The following SEC63 variants were observed in gnomAD, a reference collection of about 807,000 sequenced individuals.
The protein encoded by SEC63 is translocation protein SEC63 homolog.
A neutral mutation model predicts 116.2 loss-of-function variants in SEC63; 56 were observed. The ratio of observed to expected loss-of-function variants is 0.48; its 90% CI spans 0.39 to 0.60. The LOEUF (loss-of-function observed/expected upper bound fraction) is 0.60, where lower values mean the gene tolerates loss of function less well. Ranked by LOEUF, SEC63 falls within the 20% of genes least tolerant of loss-of-function variation. The probability of loss-of-function intolerance (pLI) is 0.00; values close to 1 mark genes in which losing one functional copy is unlikely to be tolerated. For synonymous variants in SEC63, 273 were observed against 294.6 expected, an observed-to-expected ratio of 0.93 and a Z score of 0.75; for missense variants, 668 against 900.0, an observed-to-expected ratio of 0.74 and a Z score of 3.30.
intron 13 of SEC63, among the ~76,000 whole-genome samples, chr6:107,899,500 G>A (rs1786947314): frequency 6.6e-6 from 1 of 152,116 alleles, no homozygotes; most frequent in Admixed American, 6.5e-5. Flanking sequence ...TGAATCACCT[G>A]AGGCTGGGAG....
intron 14 of SEC63, among the ~76,000 whole-genome samples, chr6:107,894,434 G>A (rs1350629844): frequency 5.3e-5 from 8 of 152,032 alleles, no homozygotes; most frequent in Non-Finnish European, 1.5e-5. Context: ...AGCACCCTGG[G>A]AGGCCAAGGC....
At chr6:107,943,101 G>A (rs1770411719) in intron 1 of SEC63, among the ~76,000 whole-genome samples, 1 of 152,216 alleles carries the variant, frequency 6.6e-6, no homozygotes, top group Non-Finnish European at 1.5e-5. Context: ...ATTTACTGAA[G>A]AGACAAACTG....
At chr6:107,915,993 C>G (rs909697489) in intron 4 of SEC63, among the ~76,000 whole-genome samples, 1 of 152,074 alleles carries the variant, frequency 6.6e-6, no homozygotes, top group African/African-American at 2.4e-5. Flanking sequence ...TGAGTTAAAA[C>G]TAAACACCTT....
At chr6:107,906,207 CCTTTGCCTGCTCTGG>C (rs941230539) in intron 10 of SEC63, among the ~76,000 whole-genome samples, 2 of 152,200 alleles carry the variant, frequency 1.3e-5, no homozygotes, top group Non-Finnish European at 1.5e-5. Flanking sequence ...ACTTGCTCTG[CCTTTGCCTGCTCTGG>C]CTTTGCCTTC....
In SEC63 at chr6:107,881,195, G is replaced by C. The variant is rs577008691; in HGVS notation, c.1889C>G (p.Thr630Ser). Residue 630 changes from threonine to serine, a missense_variant, in exon 18 of 21, where the codon ACC becomes AGC. Transcript: ENST00000369002. ...CACAGGATGTGTTATTTTTGATTTG[G>C]TTTCCAATAGAGCTCTCTCTTTTCG... ...IQRKERALLE[T>S]KSKITHPVYS... 1.2e-5 allele frequency: 19 copies of C among 1,612,966 alleles called. No individual in the cohort carries two copies. In the South Asian group the frequency reaches 2.0e-4, roughly 17 times the overall value.
At chr6:107,898,498 T>A (rs1308615593) in intron 13 of SEC63, among the ~76,000 whole-genome samples, 1 of 152,122 alleles carries the variant, frequency 6.6e-6, no homozygotes, top group African/African-American at 2.4e-5. Flanking sequence ...CTGAAAAAAA[T>A]AATGAAAGCT....
chr6:107,918,914 T>A, intron 4 of SEC63, among the ~76,000 whole-genome samples: 1 of 137,062 alleles, frequency 7.3e-6, no homozygotes, highest in Non-Finnish European at 1.6e-5. Context: ...CTTTTTTTTT[T>A]TTTTTTTTTT....
intron 17 of SEC63, 47 bp from the exon 18 acceptor site, chr6:107,881,297 A>C (rs779013274): frequency 7.7e-7 from 1 of 1,299,308 alleles, no homozygotes; most frequent in African/African-American, 1.5e-5. Flanking sequence ...TATGTGTTTT[A>C]TCACTTTAAG....
chr6:107,874,696 C>T (rs1031631923), intron 19 of SEC63, among the ~76,000 whole-genome samples: 3 of 150,700 alleles, frequency 2.0e-5, no homozygotes, highest in South Asian at 2.1e-4. Context: ...TTCTTTCTTT[C>T]GAGACATGTC....
chr6:107,876,472 T>C, intron 19 of SEC63, 92 bp downstream of exon 19: 2 of 832,298 alleles, frequency 2.4e-6, no homozygotes, highest in South Asian at 1.4e-5. Flanking sequence ...ATGCTAAATA[T>C]GATAAACTTT....
rs1481604932 is a variant in SEC63 at position 107,881,148 on chromosome 6, C to A, written c.1935+1G>T. The A allele has an allele frequency of 6.3e-7, 1 of 1,594,434 alleles. No individual in the cohort carries two copies. The highest frequency in any genetic ancestry group is 8.6e-7 in the Non-Finnish European group (1 of 1,163,790). On this transcript the variant is annotated splice_donor_variant, in intron 18 of 20. Coordinates refer to ENST00000369002, the MANE Select transcript of SEC63 (RefSeq NM_007214.5). LOFTEE classifies it high-confidence loss of function. Reference sequence around the variant, plus strand: ...AACACAGTAGCCTGTATATAACTCACCTCAGGAAAGTAAAGGCTATACACA... The same window carrying A: ...AACACAGTAGCCTGTATATAACTCAACTCAGGAAAGTAAAGGCTATACACA...
rs754604388 is a variant in SEC63, at chr6:107,908,927, G to A, written c.733C>T (p.Arg245Cys). Residue 245 changes from arginine (R) to cysteine (C), a missense_variant and splice_region_variant, in exon 8 of 21, where the codon CGT (arginine) becomes TGT (cysteine). By Grantham distance (180) the Arg-to-Cys change is radical (BLOSUM62 -3). Coordinates refer to ENST00000369002, the MANE Select transcript of SEC63 (RefSeq NM_007214.5). Reference sequence around the variant, plus strand: ...GCAAAGTTACTTAAAGTTTACTTACGTTTCATATCCATATTTCGGGTTTTA... The same window carrying A: ...GCAAAGTTACTTAAAGTTTACTTACATTTCATATCCATATTTCGGGTTTTA... ...VYKTRNMDMK[R>C]LIMVLAGASE... is the part of the protein sequence containing the mutation. 1.9e-6 allele frequency: 3 copies of A among 1,571,182 alleles called. No homozygotes were observed. The highest frequency in any genetic ancestry group is 1.4e-5 in the African/African-American group (1 of 74,008).
intron 4 of SEC63, among the ~76,000 whole-genome samples, chr6:107,920,403 G>A (rs1357900073): frequency 1.4e-5 from 2 of 142,066 alleles, no homozygotes; most frequent in Admixed American, 7.2e-5. Context: ...TCCAGCCTGG[G>A]CGAAAGAGCG....
chr6:107,952,997 C>T (rs921608898), intron 1 of SEC63, among the ~76,000 whole-genome samples: 8 of 152,150 alleles, frequency 5.3e-5, no homozygotes, highest in South Asian at 2.1e-4. Context: ...CAGTGGCTCA[C>T]GCCTGTAATC....
intron 14 of SEC63, among the ~76,000 whole-genome samples, chr6:107,895,974 G>A (rs1369663526): frequency 6.6e-6 from 1 of 151,970 alleles, no homozygotes; most frequent in Admixed American, 6.6e-5. Context: ...AGACCAGCCT[G>A]GGCAACATGG....
intron 16 of SEC63, among the ~76,000 whole-genome samples, chr6:107,889,359 ATTTTCTAGT>A (rs1287661616): frequency 6.6e-6 from 1 of 151,756 alleles, no homozygotes; most frequent in Non-Finnish European, 1.5e-5. Flanking sequence ...TTTCTTCTAG[ATTTTCTAGT>A]TTATTTATGT....
chr6:107,925,842 T>C (rs1193482912), intron 2 of SEC63, among the ~76,000 whole-genome samples: 1 of 152,228 alleles, frequency 6.6e-6, no homozygotes, highest in African/African-American at 2.4e-5. Flanking sequence ...ATTAGTTCAT[T>C]TGTACATTTG....
At chr6:107,872,960 C>A in intron 19 of SEC63, 48 bp from the exon 20 acceptor site, 7 of 1,186,012 alleles carry the variant, frequency 5.9e-6, no homozygotes, top group Non-Finnish European at 8.6e-6. Context: ...GGGGAGGAAA[C>A]AGCTCACTCC....
intron 16 of SEC63, among the ~76,000 whole-genome samples, chr6:107,884,250 CAAA>C (rs35806948): frequency 1.3e-4 from 15 of 111,920 alleles, no homozygotes; most frequent in Admixed American, 2.6e-4. Flanking sequence ...GACTCTGTCT[CAAA>C]AAAAAAAAAA....
Sources: allele counts gnomAD v4.1 joint callset (sites outside exome capture counted in the v4.1 genomes callset), GRCh38; gene constraint gnomAD v4.1.1; transcripts MANE v1.5; gene names NCBI Gene and HGNC (gene_info 2026-07-23, HGNC 2026-07-21).